RUFY1: variants seen among roughly 807,000 people sequenced by gnomAD.
The protein encoded by RUFY1 is RUN and FYVE domain containing 1.
RUFY1 carries 54 observed loss-of-function variants against 94.6 expected under a neutral mutation model. The observed-to-expected ratio is 0.57, with a 90% CI of 0.46 to 0.72. The LOEUF is 0.72. Among genes scored for constraint, RUFY1 ranks in the 30% least tolerant of loss-of-function variants. The pLI is 0.00. For synonymous variants in RUFY1, 396 were observed against 347.3 expected (o/e 1.14, Z -1.56); for missense variants, 883 against 883.9 (o/e 1.00, Z 0.01).
chr5:179,567,882 C>T (rs531243497), intron 4 of RUFY1, among the ~76,000 whole-genome samples: 4 of 151,766 alleles, frequency 2.6e-5, no homozygotes, highest in East Asian at 3.9e-4. Flanking sequence ...CCAGCCTGGG[C>T]GACAGAGTGA....
intron 13 of RUFY1, 83 bp downstream of exon 13, chr5:179,596,764 A>T: frequency 5.5e-6 from 2 of 366,364 alleles, no homozygotes; most frequent in Non-Finnish European, 4.0e-6. Context: ...ATCCTGCTTC[A>T]GCACGAACGG....
intron 11 of RUFY1, among the ~76,000 whole-genome samples, chr5:179,594,377 G>C (rs1471218616): frequency 6.6e-6 from 1 of 151,292 alleles, no homozygotes; most frequent in Non-Finnish European, 1.5e-5. Flanking sequence ...AGTCTTCCGG[G>C]CCACATAGGT....
At chr5:179,582,757 C>T (rs1035290717) in intron 7 of RUFY1, among the ~76,000 whole-genome samples, 2 of 151,982 alleles carry the variant, frequency 1.3e-5, no homozygotes, top group Non-Finnish European at 2.9e-5. Flanking sequence ...GCAGAAGAAT[C>T]GCTTGGACCC....
chr5:179,607,665 T>C lies in RUFY1; in HGVS notation c.1983+6T>C, dbSNP rs765144023. The stretch of plus-strand genomic sequence containing the variant: ...TCTCCATTTCCCGGAGAAAGGTACG[T>C]GGGGGCTCCACCCACCCTCCCAGTG... On this transcript the variant is annotated splice_donor_region_variant and intron_variant, in intron 17 of 17. Transcript: ENST00000319449. The C allele has an allele frequency of 6.2e-7, 1 of 1,612,830 alleles. No homozygotes were observed. Among genetic ancestry groups the C allele is most frequent in the South Asian group, 1.1e-5 (1 of 91,054 alleles).
chr5:179,560,364 T>C (rs1341892742), intron 2 of RUFY1, among the ~76,000 whole-genome samples, 166 bp downstream of exon 2: 1 of 152,036 alleles, frequency 6.6e-6, no homozygotes. Flanking sequence ...CGCTGGCCAA[T>C]AGAAATAGCA....
chr5:179,587,721 C>T (rs2127549938), intron 8 of RUFY1, among the ~76,000 whole-genome samples: 1 of 151,028 alleles, frequency 6.6e-6, no homozygotes, highest in African/African-American at 2.4e-5. Flanking sequence ...TCTTTAAAGG[C>T]AAATGATTGT....
chr5:179,554,414 T>A (rs1183600938), intron 1 of RUFY1, among the ~76,000 whole-genome samples: 1 of 151,782 alleles, frequency 6.6e-6, no homozygotes, highest in Non-Finnish European at 1.5e-5. Flanking sequence ...CGTAGGCGTG[T>A]AATCCCAGCT....
chr5:179,564,420 GTT>G lies in RUFY1; in HGVS notation c.602+1776_602+1777del, dbSNP rs60186448. ...TAGGTGTGAACCACTGTGCCTGGCTGTTTTTTTTTTTTTTTTTTTTTAAGACA... is the reference window on the plus strand; with the variant it reads ...TAGGTGTGAACCACTGTGCCTGGCTGTTTTTTTTTTTTTTTTTTTAAGACA... On this transcript the variant is annotated intron_variant, in intron 3 of 17. Coordinates refer to ENST00000319449, the MANE Select transcript of RUFY1 (RefSeq NM_025158.5). Among the ~76,000 whole-genome samples, 951 of 123,602 alleles carry G rather than the reference GTT, an allele frequency of 7.7e-3. 3 individuals carry two copies. Among genetic ancestry groups the G allele is most frequent in the Middle Eastern group, 0.048 (10 of 208 alleles). 81.1% of individuals were successfully genotyped at this position (123,602 alleles called of 152,430 possible).
intron 14 of RUFY1, among the ~76,000 whole-genome samples, chr5:179,600,812 T>C (rs1269090291): frequency 2.8e-5 from 4 of 145,240 alleles, no homozygotes; most frequent in Non-Finnish European, 6.0e-5. Context: ...TTCTCCTGCC[T>C]CAGCCTCCCG....
At chr5:179,561,118 G>T (rs1762420337) in intron 2 of RUFY1, among the ~76,000 whole-genome samples, 1 of 152,254 alleles carries the variant, frequency 6.6e-6, no homozygotes, top group East Asian at 1.9e-4. Flanking sequence ...GGCTGAGGCA[G>T]GAGAATCTCT....
chr5:179,557,665 CCA>C (rs1252899506), intron 1 of RUFY1, among the ~76,000 whole-genome samples: 7 of 152,074 alleles, frequency 4.6e-5, no homozygotes, highest in African/African-American at 1.7e-4. Context: ...CGGAAAATGG[CCA>C]TCAAGCTAAT....
chr5:179,567,555 C>T lies in RUFY1; in HGVS notation c.697C>T (p.Leu233Phe). The part of the protein sequence containing the change: ...YLKVLIDNKH[L>F]LSEFYEPEAL... ...GAAAGTGCTTATAGACAATAAACAT[C>T]TCTTAAGGTATTTCATCAACCATGT... is the stretch of plus-strand genomic sequence containing the variant. Residue 233 changes from leucine (L) to phenylalanine (F), a missense_variant, in exon 4 of 18, where the codon CTC (leucine) becomes TTC (phenylalanine). Physicochemically the swap from Leu to Phe is conservative, Grantham distance 22. Transcript: ENST00000319449. The T allele has an allele frequency of 6.3e-7, 1 of 1,598,936 alleles. No individual in the cohort carries two copies. Among genetic ancestry groups the T allele is most frequent in the Non-Finnish European group, 8.6e-7 (1 of 1,166,204 alleles).
intron 15 of RUFY1, among the ~76,000 whole-genome samples, chr5:179,604,358 C>T (rs143017991): frequency 9.3e-4 from 141 of 152,290 alleles, no homozygotes; most frequent in African/African-American, 3.1e-3. Context: ...GGCTTGGGAA[C>T]ATCTGGATTC....
At chr5:179,568,257 TAAAAA>T (rs1762981476) in intron 4 of RUFY1, among the ~76,000 whole-genome samples, 1 of 152,036 alleles carries the variant, frequency 6.6e-6, no homozygotes, top group Non-Finnish European at 1.5e-5. Context: ...AAATAAAAAA[TAAAAA>T]AATAAGTATA....
chr5:179,550,786 G>T lies in RUFY1; in HGVS notation c.217G>T (p.Ala73Ser), dbSNP rs1271001627. 2 of 1,373,436 alleles carry T rather than the reference G, an allele frequency of 1.5e-6. No individual in the cohort carries two copies. Among genetic ancestry groups the T allele is most frequent in the Admixed American group, 5.5e-5 (2 of 36,136 alleles). 85.1% of individuals were successfully genotyped at this position (1,373,436 alleles called of 1,614,324 possible). A position where few individuals can be genotyped will look rare whatever the true frequency, so the allele number is the denominator to read the frequency against. ...GCCCATCCTGACCCTGGCACGCAGGGCCACCGGGAACCTGTCGGCGAGCTG... is the reference window on the plus strand; with the variant it reads ...GCCCATCCTGACCCTGGCACGCAGGTCCACCGGGAACCTGTCGGCGAGCTG... ...SAPILTLARR[A>S]TGNLSASCGS... The change falls in exon 1 of 18, where the codon GCC becomes TCC. Residue 73 changes from alanine to serine, a missense_variant. Physicochemically the swap from Ala to Ser is moderately conservative, Grantham distance 99 (BLOSUM62 1). Coordinates refer to ENST00000319449, the MANE Select transcript of RUFY1 (RefSeq NM_025158.5).
Position 179,559,829 on chromosome 5 carries a change from C to T in RUFY1, c.311-196C>T, listed in dbSNP as rs930271926. 2.7e-5 allele frequency: 36 copies of T among 1,340,538 alleles called. No homozygotes were observed. In the South Asian group the frequency reaches 2.7e-4, roughly 10 times the overall value. The allele number at this position is 1,340,538 out of a possible 1,614,324, so 83.0% of individuals were successfully genotyped here. A position where few individuals can be genotyped will look rare whatever the true frequency, so the allele number is the denominator to read the frequency against. On this transcript the variant is annotated intron_variant, in intron 1 of 17. Transcript: ENST00000319449. ...TGGCTCTTCTGACCCAAGGCCCCGC[C>T]GTCCAGGTAGGGGGCTGTGGCCTCT...
At chr5:179,608,252 C>T in intron 17 of RUFY1, 1 of 984,102 alleles carries the variant, frequency 1.0e-6, no homozygotes, top group Non-Finnish European at 1.2e-6. Flanking sequence ...CACCTTTCTG[C>T]CACAGCCATG....
intron 3 of RUFY1, among the ~76,000 whole-genome samples, chr5:179,563,527 C>A (rs1383094933): frequency 6.6e-6 from 1 of 152,176 alleles, no homozygotes; most frequent in Non-Finnish European, 1.5e-5. Flanking sequence ...TTGAAGCCCT[C>A]CAAATCCCAT....
At chr5:179,591,787 T>C (rs551011030) in intron 10 of RUFY1, 46 bp downstream of exon 10, 12 of 1,081,480 alleles carry the variant, frequency 1.1e-5, no homozygotes, top group South Asian at 7.3e-5. Flanking sequence ...TTCCCCGTAG[T>C]GTTAATTCTG....
Sources: allele counts gnomAD v4.1 joint callset (sites outside exome capture counted in the v4.1 genomes callset), GRCh38; gene constraint gnomAD v4.1.1; transcripts MANE v1.5; gene names NCBI Gene and HGNC (gene_info 2026-07-23, HGNC 2026-07-21).